PHF20L1: variants seen among roughly 807,000 people sequenced by gnomAD.
The protein encoded by PHF20L1 is PHD finger protein 20 like 1, also known as PHD finger protein 20-like protein 1.
PHF20L1 carries 44 observed loss-of-function variants against 125.5 expected under a neutral mutation model. That is an observed-to-expected ratio of 0.35 (90% CI 0.28 to 0.45). The LOEUF (loss-of-function observed/expected upper bound fraction) is 0.45. Ranked by LOEUF, PHF20L1 falls within the 20% of genes least tolerant of loss-of-function variation. PHF20L1 has a pLI of 1.00. For synonymous variants in PHF20L1, 380 were observed against 403.1 expected (o/e 0.94, Z 0.69); for missense variants, 1,012 against 1,217.2 (o/e 0.83, Z 2.51).
rs775621968 is a variant in PHF20L1, at chr8:132,832,184, C to A, written c.1745-51C>A. On this transcript the variant is annotated intron_variant, in intron 14 of 20. Transcript: ENST00000395386. ...TGACTTTCGTTATTTTTATAGTGAC[C>A]TTAATTATCTGACACTTTATTAATA... The A allele has an allele frequency of 9.5e-6, 11 of 1,161,062 alleles. No individual in the cohort carries two copies. The South Asian group carries it at 1.2e-4, about 12-fold the overall frequency. The allele number at this position is 1,161,062 out of a possible 1,614,324, so 71.9% of individuals were successfully genotyped here.
In PHF20L1 at chr8:132,844,301, T is replaced by C. The variant is rs1838227320; in HGVS notation, c.2894T>C (p.Ile965Thr). ...QNEVTSRMDL[I>T]EKEVDVLESW... ...GAAGTTACCAGCAGGATGGACCTAATAGAAAAAGAAGTCGATGGTAATTTA... is the reference window on the plus strand; with the variant it reads ...GAAGTTACCAGCAGGATGGACCTAACAGAAAAAGAAGTCGATGGTAATTTA... The change falls in exon 20 of 21, where the codon ATA (isoleucine) becomes ACA (threonine). Residue 965 changes from isoleucine to threonine, a missense_variant. Ile to Thr is a moderately conservative substitution (Grantham distance 89, BLOSUM62 -1). Transcript: ENST00000395386. 1 of 1,607,322 alleles carries C rather than the reference T, an allele frequency of 6.2e-7. No individual in the cohort carries two copies. Among genetic ancestry groups the C allele is most frequent in the Non-Finnish European group, 8.5e-7 (1 of 1,177,046 alleles).
In PHF20L1 at chr8:132,812,650, G is replaced by C. The variant is rs529218348; in HGVS notation, c.930+1522G>C. On this transcript the variant is annotated intron_variant, in intron 9 of 20. Coordinates refer to ENST00000395386, the MANE Select transcript of PHF20L1 (RefSeq NM_016018.5). ...TTGTCATTCAGGTTGATTTCAATGT[G>C]AAAATGTTTTGTGAACAAACACTTA... The C allele has an allele frequency of 9.0e-5, 89 of 985,060 alleles. No individual in the cohort carries two copies. In the Middle Eastern group the frequency reaches 1.6e-3, roughly 17 times the overall value. 61.0% of individuals were successfully genotyped at this position (985,060 alleles called of 1,614,324 possible). A position where few individuals can be genotyped will look rare whatever the true frequency, so the allele number is the denominator to read the frequency against.
chr8:132,804,711 C>A lies in PHF20L1; in HGVS notation c.818C>A (p.Ala273Glu). Residue 273 changes from alanine (A) to glutamate (E), a missense_variant, in exon 8 of 21, where the codon GCA becomes GAA. Ala to Glu is a moderately radical substitution (Grantham distance 107). Around this residue, in one of 7 missense-constraint regions of PHF20L1, gnomAD observed 13 missense variants for 39.3 expected, o/e 0.33. Transcript: ENST00000395386. ...AATAATCAAGGCAACTCGTTTCAGG[C>A]AAAGAGAGCTCGACTTAACAAGATT... ...RKNNQGNSFQ[A>E]KRARLNKITG... The A allele has an allele frequency of 6.2e-7, 1 of 1,607,584 alleles. No individual in the cohort carries two copies. Among genetic ancestry groups the A allele is most frequent in the African/African-American group, 1.3e-5 (1 of 74,364 alleles).
In PHF20L1 at chr8:132,794,826, T is replaced by A; in HGVS notation, c.340+9T>A. 6.4e-7 allele frequency: 1 copy of A among 1,567,594 alleles called. No individual in the cohort carries two copies. Among genetic ancestry groups the A allele is most frequent in the East Asian group, 2.2e-5 (1 of 44,660 alleles). ...AGCAATTAACAAAGAAGGTATGTGTTTGAAATGATCTGAGACTTAAAATTA... is the reference window on the plus strand; with the variant it reads ...AGCAATTAACAAAGAAGGTATGTGTATGAAATGATCTGAGACTTAAAATTA... On this transcript the variant is annotated intron_variant, in intron 4 of 20. Coordinates refer to ENST00000395386, the MANE Select transcript of PHF20L1 (RefSeq NM_016018.5).
At position 132,847,333 on chromosome 8, in the gene PHF20L1, A is replaced by G. The variant is rs530092942; in HGVS notation, c.*1410A>G. 1.3e-5 allele frequency: 2 copies of G among 152,690 alleles called. No homozygotes were observed. The highest frequency in any genetic ancestry group is 4.1e-4 in the South Asian group (2 of 4,826). 9.5% of individuals were successfully genotyped at this position (152,690 alleles called of 1,614,324 possible). A position where few individuals can be genotyped will look rare whatever the true frequency, so the allele number is the denominator to read the frequency against. ...TATGTATAGGTTTTGAAATTTTTTT[A>G]AAAGGGGAGAAAGACTGTTAAGAGG... On this transcript the variant is annotated 3_prime_UTR_variant, in exon 21 of 21. Transcript: ENST00000395386.
At chr8:132,836,841 T>A (rs1332779916) in intron 16 of PHF20L1, 120 bp downstream of exon 16, 2 of 702,296 alleles carry the variant, frequency 2.8e-6, no homozygotes. Flanking sequence ...TCTAACTTAC[T>A]GTGTGGAAAA....
At chr8:132,812,687 T>C in intron 9 of PHF20L1, 2 of 984,814 alleles carry the variant, frequency 2.0e-6, no homozygotes, top group Non-Finnish European at 2.4e-6. Flanking sequence ...TTTTATCCTA[T>C]GTGTTAGCCT....
At chr8:132,797,042 A>G (rs1429865186) in intron 4 of PHF20L1, among the ~76,000 whole-genome samples, 1 of 152,040 alleles carries the variant, frequency 6.6e-6, no homozygotes, top group Admixed American at 6.6e-5. Flanking sequence ...TTTCATCTAC[A>G]GGCATTTAAT....
intron 16 of PHF20L1, 122 bp from the exon 17 acceptor site, chr8:132,837,590 A>G (rs924884791): frequency 1.5e-6 from 1 of 681,816 alleles, no homozygotes; most frequent in Admixed American, 2.1e-5. Context: ...TCAAATAAGT[A>G]TGAAACTGAT....
chr8:132,810,745 A>C lies in PHF20L1; in HGVS notation c.848-301A>C, dbSNP rs1021986016. The C allele has an allele frequency of 1.4e-5, 4 of 292,468 alleles. 1 individual carries two copies. The allele number at this position is 292,468 out of a possible 1,614,324, so 18.1% of individuals were successfully genotyped here. A position where few individuals can be genotyped will look rare whatever the true frequency, so the allele number is the denominator to read the frequency against. On this transcript the variant is annotated intron_variant, in intron 8 of 20. Coordinates refer to ENST00000395386, the MANE Select transcript of PHF20L1 (RefSeq NM_016018.5). ...CAACCTGAGCAACCTTAATGTAGACATTAAGACAGAATTTTAACTTTTTAC... is the reference window on the plus strand; with the variant it reads ...CAACCTGAGCAACCTTAATGTAGACCTTAAGACAGAATTTTAACTTTTTAC...
chr8:132,839,863 G>A (rs929951992), intron 18 of PHF20L1, among the ~76,000 whole-genome samples: 5 of 152,120 alleles, frequency 3.3e-5, no homozygotes, highest in Admixed American at 3.3e-4. Context: ...CTTACCGTAT[G>A]TGCAAAATTA....
chr8:132,800,473 T>C (rs1173369510), intron 6 of PHF20L1, among the ~76,000 whole-genome samples: 1 of 151,214 alleles, frequency 6.6e-6, no homozygotes, highest in Non-Finnish European at 1.5e-5. Flanking sequence ...ATCAAAGAAA[T>C]ATGCCAAATC....
intron 2 of PHF20L1, among the ~76,000 whole-genome samples, chr8:132,784,827 A>G (rs541713067): frequency 7.2e-5 from 11 of 152,248 alleles, no homozygotes; most frequent in Middle Eastern, 3.4e-3. Context: ...TTTCTGACCA[A>G]TTGTAGTTGT....
chr8:132,834,669 A>G (rs1356806501), intron 15 of PHF20L1, among the ~76,000 whole-genome samples: 2 of 152,054 alleles, frequency 1.3e-5, no homozygotes, highest in East Asian at 3.9e-4. Flanking sequence ...ACAGTGTTTG[A>G]AACTGTTTTA....
At position 132,794,701 on chromosome 8, in the gene PHF20L1, A is replaced by G. The variant is rs780464503; in HGVS notation, c.256-32A>G. 25 of 1,550,342 alleles carry G rather than the reference A, an allele frequency of 1.6e-5. No homozygotes were observed. In the Middle Eastern group the frequency reaches 1.4e-3, roughly 84 times the overall value. ...GTTAAGAAATGCTTATTTAATATAC[A>G]TGGAATTGATCTTAAAAGTTGTTTA... On this transcript the variant is annotated intron_variant, in intron 3 of 20. Coordinates refer to ENST00000395386, the MANE Select transcript of PHF20L1 (RefSeq NM_016018.5).
intron 1 of PHF20L1, among the ~76,000 whole-genome samples, chr8:132,776,802 G>A (rs2131269896): frequency 6.6e-6 from 1 of 152,224 alleles, no homozygotes; most frequent in East Asian, 1.9e-4. Flanking sequence ...CTCAAATACC[G>A]AAAGACATTT....
At position 132,775,416 on chromosome 8, in the gene PHF20L1, G is replaced by T. The variant is rs910776590; in HGVS notation, c.-267G>T. 8.6e-5 allele frequency: 33 copies of T among 384,780 alleles called. No homozygotes were observed. Among genetic ancestry groups the T allele is most frequent in the African/African-American group, 6.9e-4 (33 of 47,596 alleles). The allele number at this position is 384,780 out of a possible 1,614,324, so 23.8% of individuals were successfully genotyped here. A position where few individuals can be genotyped will look rare whatever the true frequency, so the allele number is the denominator to read the frequency against. ...GCTGGCCGGCGGCGGAGGCGGCGGC[G>T]GCGGCGGCGATGGCAGCGGACCCTG... On this transcript the variant is annotated 5_prime_UTR_variant, in exon 1 of 21. Transcript: ENST00000395386.
At chr8:132,806,130 T>TA (rs139040584) in intron 8 of PHF20L1, among the ~76,000 whole-genome samples, 3,026 of 152,122 alleles carry the variant, frequency 0.02, 48 homozygotes, top group Non-Finnish European at 0.031. Flanking sequence ...ACTGACATGA[T>TA]ACAACTGCCA....
chr8:132,823,750 G>C (rs1159474988), intron 12 of PHF20L1, among the ~76,000 whole-genome samples: 2 of 151,936 alleles, frequency 1.3e-5, no homozygotes, highest in African/African-American at 4.8e-5. Context: ...AGGCCACAGA[G>C]CTAGTAAGTG....
Sources: allele counts gnomAD v4.1 joint callset (sites outside exome capture counted in the v4.1 genomes callset), GRCh38; gene constraint gnomAD v4.1.1; regional missense constraint gnomAD v4.1.1; transcripts MANE v1.5; gene names NCBI Gene and HGNC (gene_info 2026-07-23, HGNC 2026-07-21).